The following RASEF variants were observed in gnomAD, a reference collection of about 807,000 sequenced individuals.
RASEF encodes RAS and EF-hand domain containing.
RASEF carries 68 observed loss-of-function variants against 90.1 expected under a neutral mutation model. The ratio of observed to expected loss-of-function variants is 0.75; its 90% confidence interval spans 0.62 to 0.92. The LOEUF (loss-of-function observed/expected upper bound fraction) is 0.92, where lower values mean the gene tolerates loss of function less well. Ranked by LOEUF, RASEF falls within the 40% of genes least tolerant of loss-of-function variation. The probability of loss-of-function intolerance (pLI) is 0.00; values close to 1 mark genes in which losing one functional copy is unlikely to be tolerated. For missense variants in RASEF, 949 were observed against 937.2 expected, an observed-to-expected ratio of 1.01 and a Z score of -0.16; for synonymous variants, 331 against 345.2, an observed-to-expected ratio of 0.96 and a Z score of 0.46.
the RASEF span, among the ~76,000 whole-genome samples, chr9:83,109,650 G>A: frequency 6.6e-6 from 1 of 152,178 alleles, no homozygotes; most frequent in East Asian, 1.9e-4. Context: ...TGTATGAACA[G>A]TGGGTGGCAT....
At chr9:83,114,265 C>G in the RASEF span, among the ~76,000 whole-genome samples, 1 of 152,316 alleles carries the variant, frequency 6.6e-6, no homozygotes, top group East Asian at 1.9e-4. Flanking sequence ...ACACTTATCA[C>G]TTCCCCAATC....
Position 83,000,567 on chromosome 9 carries a change from G to C in RASEF, c.1441C>G (p.Pro481Ala). Residue 481 changes from proline to alanine, a missense_variant, in exon 11 of 17, where the codon CCT becomes GCT. Physicochemically the swap from Pro to Ala is conservative, Grantham distance 27. Around this residue, in one of 3 missense-constraint regions of RASEF, gnomAD observed 288 missense variants for 328.4 expected, o/e 0.88. Coordinates refer to ENST00000376447, the MANE Select transcript of RASEF (RefSeq NM_152573.4). ...AATGTCTCTTCATCCCTTATGTCAG[G>C]AACCTATTTTTTTTAAAATGTCAGC... ...FGGDASDTDV[P>A]DIRDEETFGL... 6.3e-7 allele frequency: 1 copy of C among 1,582,124 alleles called. No homozygotes were observed. Among genetic ancestry groups the C allele is most frequent in the Non-Finnish European group, 8.6e-7 (1 of 1,169,058 alleles).
intron 9 of RASEF, 44 bp from the exon 10 acceptor site, chr9:83,001,174 G>C (rs199926289): frequency 1.4e-6 from 2 of 1,434,962 alleles, no homozygotes; most frequent in African/African-American, 2.8e-5. Context: ...GGCTGGAAAT[G>C]CTCAAGAACA....
upstream of RASEF, among the ~76,000 whole-genome samples, chr9:83,065,303 G>C (rs1387308918): frequency 1.3e-5 from 2 of 152,134 alleles, no homozygotes; most frequent in African/African-American, 4.8e-5. Flanking sequence ...CTGCTGGCTT[G>C]CCTGGGATCT....
At chr9:83,114,649 G>C in the RASEF span, among the ~76,000 whole-genome samples, 19 of 152,152 alleles carry the variant, frequency 1.2e-4, no homozygotes, top group Admixed American at 3.3e-4. Context: ...GGCCACTTTG[G>C]GGGTGGCTGT....
At chr9:82,988,096 C>T (rs1157229895) in intron 16 of RASEF, among the ~76,000 whole-genome samples, 1 of 152,252 alleles carries the variant, frequency 6.6e-6, no homozygotes, top group Non-Finnish European at 1.5e-5. Flanking sequence ...TTCCATCCAG[C>T]TGTTCCCAGC....
At chr9:83,150,857 A>C in the RASEF span, among the ~76,000 whole-genome samples, 1 of 152,316 alleles carries the variant, frequency 6.6e-6, no homozygotes, top group South Asian at 2.1e-4. Flanking sequence ...GAAGACAAAA[A>C]CTGCAACCAA....
In RASEF at chr9:83,062,667, G is replaced by A; in HGVS notation, c.201C>T (p.Phe67=). 1.3e-6 allele frequency: 2 copies of A among 1,572,308 alleles called. No homozygotes were observed. The highest frequency in any genetic ancestry group is 1.7e-6 in the Non-Finnish European group (2 of 1,167,366). Residue 67 remains phenylalanine, a synonymous_variant, in exon 1 of 17, where the codon TTC becomes TTT. Coordinates refer to ENST00000376447, the MANE Select transcript of RASEF (RefSeq NM_152573.4). ...GGAGGGACCCGAGGAAGCCACGCGC[G>A]AACTCCTGGAAGGTGATGGCGCCGT... ...DRDGAITFQE[F]ARGFLGSLRG... is the part of the protein sequence containing the mutation.
chr9:83,034,654 G>T (rs1829706669), intron 1 of RASEF, among the ~76,000 whole-genome samples: 2 of 152,208 alleles, frequency 1.3e-5, no homozygotes, highest in African/African-American at 4.8e-5. Context: ...ACAGCAGGAA[G>T]CATCATGCTG....
chr9:83,009,539 CA>C, intron 6 of RASEF, 101 bp downstream of exon 6: 1 of 559,474 alleles, frequency 1.8e-6, no homozygotes. Context: ...AAGATATTAG[CA>C]AAGTTACTAA....
the RASEF span, among the ~76,000 whole-genome samples, chr9:83,094,943 C>T: frequency 1.3e-5 from 2 of 152,174 alleles, no homozygotes; most frequent in South Asian, 2.1e-4. Flanking sequence ...CACGTCCAAG[C>T]ATACGTGGGA....
chr9:83,141,955 T>G, the RASEF span, among the ~76,000 whole-genome samples: 1 of 152,198 alleles, frequency 6.6e-6, no homozygotes, highest in Non-Finnish European at 1.5e-5. Context: ...ATGGGTACAT[T>G]TTATATGACA....
At chr9:83,074,350 G>A in the RASEF span, among the ~76,000 whole-genome samples, 1 of 152,190 alleles carries the variant, frequency 6.6e-6, no homozygotes, top group Non-Finnish European at 1.5e-5. Flanking sequence ...AAGGAGAAAG[G>A]TAGCATCAAA....
the RASEF span, among the ~76,000 whole-genome samples, chr9:83,087,493 T>C: frequency 6.6e-6 from 1 of 150,652 alleles, no homozygotes; most frequent in Non-Finnish European, 1.5e-5. Flanking sequence ...CTTCCAGCTT[T>C]AGGCAATTTT....
the RASEF span, among the ~76,000 whole-genome samples, chr9:83,168,347 G>C: frequency 7.5e-4 from 114 of 152,074 alleles, no homozygotes; most frequent in African/African-American, 2.7e-3. Flanking sequence ...TTTAAATTGA[G>C]TTATTTGTGG....
the RASEF span, among the ~76,000 whole-genome samples, chr9:83,205,241 C>T: frequency 3.3e-5 from 5 of 152,074 alleles, no homozygotes; most frequent in South Asian, 2.1e-4. Flanking sequence ...GAGAGCAAAG[C>T]GAAGAAATGG....
rs1266466507 is a variant in RASEF at position 83,062,762 on chromosome 9, G to A, written c.106C>T (p.Leu36=). 6 of 1,565,310 alleles carry A rather than the reference G, an allele frequency of 3.8e-6. No homozygotes were observed. Among genetic ancestry groups the A allele is most frequent in the South Asian group, 1.2e-5 (1 of 86,300 alleles). The part of the protein sequence containing the change: ...GRLEREEFRA[L]CTELRVRPAD... ...GGCCGCACCCGCAGCTCCGTGCACA[G>A]TGCCCGGAACTCCTCGCGCTCCAGG... The change falls in exon 1 of 17, where the codon CTG becomes TTG. Residue 36 remains leucine (L), a synonymous_variant. Transcript: ENST00000376447.
intron 1 of RASEF, among the ~76,000 whole-genome samples, chr9:83,033,235 T>G (rs1829677431): frequency 1.3e-5 from 2 of 152,120 alleles, no homozygotes; most frequent in Non-Finnish European, 2.9e-5. Context: ...AAAACATGCA[T>G]GCAATCCAAG....
chr9:83,071,581 A>T, the RASEF span, among the ~76,000 whole-genome samples: 1 of 151,760 alleles, frequency 6.6e-6, no homozygotes, highest in African/African-American at 2.4e-5. Flanking sequence ...AATTTTTTAT[A>T]TTTTTGTAGA....
Sources: gnomAD v4.1 joint callset for allele counts (sites outside exome capture counted in the v4.1 genomes callset) on GRCh38, gnomAD v4.1.1 for gene constraint, gnomAD v4.1.1 regional missense constraint, MANE v1.5 for transcripts, NCBI Gene and HGNC (gene_info 2026-07-23, HGNC 2026-07-21) for gene names.